ADGRV1: variants seen among roughly 807,000 people sequenced by gnomAD.
ADGRV1 encodes the protein adhesion G protein-coupled receptor V1, also known as G-protein coupled receptor 98.
A neutral mutation model predicts 596.2 loss-of-function variants in ADGRV1; 359 were observed. The observed-to-expected ratio is 0.60, with a 90% CI of 0.55 to 0.66. ADGRV1 has a LOEUF of 0.66. ADGRV1 is among the 30% of genes least tolerant of loss of function. ADGRV1 has a pLI of 0.00. For missense variants in ADGRV1, 7,274 were observed against 7,575.6 expected (o/e 0.96, Z 1.48); for synonymous variants, 2,681 against 2,679.2 (o/e 1.00, Z -0.02).
intron 73 of ADGRV1, among the ~76,000 whole-genome samples, chr5:90,809,497 G>A (rs568597148): frequency 6.6e-6 from 1 of 152,258 alleles, no homozygotes; most frequent in African/African-American, 2.4e-5. Flanking sequence ...CTCTGTGTGA[G>A]GTATTAACCA....
chr5:90,691,765 G>T (rs1746512397), intron 31 of ADGRV1, among the ~76,000 whole-genome samples: 1 of 151,948 alleles, frequency 6.6e-6, no homozygotes, highest in Non-Finnish European at 1.5e-5. Flanking sequence ...TATTATTGTG[G>T]TTTTTCATTC....
intron 21 of ADGRV1, among the ~76,000 whole-genome samples, chr5:90,668,798 A>G (rs1771996231): frequency 6.6e-6 from 1 of 152,204 alleles, no homozygotes. Context: ...ATTTTTTTAA[A>G]CTGAAAATAT....
chr5:91,161,969 A>G (rs892443161), intron 89 of ADGRV1, among the ~76,000 whole-genome samples: 12 of 152,218 alleles, frequency 7.9e-5, no homozygotes, highest in Admixed American at 5.9e-4. Context: ...CCAAAAGGCA[A>G]TGGTTGGGAT....
intron 83 of ADGRV1, among the ~76,000 whole-genome samples, chr5:90,879,385 G>T (rs1381152135): frequency 6.6e-6 from 1 of 152,188 alleles, no homozygotes; most frequent in African/African-American, 2.4e-5. Context: ...GTAAAGAAAA[G>T]AACAAGCAGT....
intron 50 of ADGRV1, among the ~76,000 whole-genome samples, chr5:90,738,547 CTT>C (rs530702993): frequency 2.8e-4 from 43 of 152,106 alleles, no homozygotes; most frequent in Non-Finnish European, 6.0e-4. Context: ...TTAATTCTCT[CTT>C]GTTTCTGAAG....
chr5:90,915,305 G>A (rs1773249967), intron 83 of ADGRV1, among the ~76,000 whole-genome samples: 1 of 152,146 alleles, frequency 6.6e-6, no homozygotes, highest in East Asian at 1.9e-4. Flanking sequence ...AAAATGATCA[G>A]TAATCTGGTT....
rs1771005699 is a variant in ADGRV1, at chr5:90,893,365, C to G, written c.17856+29508C>G. 2.0e-5 allele frequency among the ~76,000 whole-genome samples: 3 copies of G among 152,248 alleles called. No individual in the cohort carries two copies. In the South Asian group the frequency reaches 6.2e-4, roughly 32 times the overall value. Reference sequence around the variant, plus strand: ...GCCACATTTTATTTGACAGTCTACTCTTAGAAGTCATGTGCCATCTCTTCT... The same window carrying G: ...GCCACATTTTATTTGACAGTCTACTGTTAGAAGTCATGTGCCATCTCTTCT... On this transcript the variant is annotated intron_variant, in intron 83 of 89. Coordinates refer to ENST00000405460, the MANE Select transcript of ADGRV1 (RefSeq NM_032119.4).
At chr5:91,152,673 GT>G (rs1179296936) in intron 88 of ADGRV1, among the ~76,000 whole-genome samples, 2 of 151,934 alleles carry the variant, frequency 1.3e-5, no homozygotes, top group African/African-American at 4.8e-5. Flanking sequence ...TTTTGTTTTT[GT>G]TTTTTTAGTA....
In ADGRV1 at chr5:90,801,496, C is replaced by T. The variant is rs1983366; in HGVS notation, c.14518-1243C>T. Among the ~76,000 whole-genome samples the T allele has an allele frequency of 7.9e-5, 12 of 151,160 alleles. No homozygotes were observed. In the East Asian group the frequency reaches 1.8e-3, roughly 22 times the overall value. ...GGGGTACACTCTTACAGGAGAGGTG[C>T]GATATACATGATTAAAATTTTTCTG... On this transcript the variant is annotated intron_variant, in intron 70 of 89. Coordinates refer to ENST00000405460, the MANE Select transcript of ADGRV1 (RefSeq NM_032119.4).
At chr5:90,758,340 A>T (rs754001989) in intron 57 of ADGRV1, among the ~76,000 whole-genome samples, 13 of 152,196 alleles carry the variant, frequency 8.5e-5, no homozygotes, top group Non-Finnish European at 1.8e-4. Context: ...CTCAAAAAAA[A>T]CAAAAAACAA....
At position 91,163,834 on chromosome 5, in the gene ADGRV1, G is replaced by C. The variant is rs1797156980; in HGVS notation, c.18855G>C (p.Gly6285=). 1 of 1,607,524 alleles carries C rather than the reference G, an allele frequency of 6.2e-7. No homozygotes were observed. Among genetic ancestry groups the C allele is most frequent in the Non-Finnish European group, 8.5e-7 (1 of 1,175,810 alleles). The change falls in exon 90 of 90, where the codon GGG becomes GGC. Residue 6285 remains glycine (G), a synonymous_variant. Transcript: ENST00000405460. ...DNESGQGSQE[G]GTLTDSQIVE... The stretch of plus-strand genomic sequence containing the variant: ...AATCTGGTCAAGGCAGCCAGGAGGG[G>C]GGCACCTTGACTGACTCCCAGATCG...
intron 29 of ADGRV1, among the ~76,000 whole-genome samples, chr5:90,689,441 T>C (rs779291451): frequency 4.6e-5 from 7 of 151,684 alleles, no homozygotes; most frequent in Non-Finnish European, 1.0e-4. Context: ...TCATTGATGA[T>C]GCTAGCGTTC....
At chr5:90,751,091 A>G (rs1580997811) in intron 53 of ADGRV1, among the ~76,000 whole-genome samples, 1 of 152,214 alleles carries the variant, frequency 6.6e-6, no homozygotes, top group Middle Eastern at 3.4e-3. Context: ...GAAAAAGTAG[A>G]TCTGAGTTGT....
At position 90,990,444 on chromosome 5, in the gene ADGRV1, A is replaced by G. The variant is rs537185362; in HGVS notation, c.18152+4922A>G. On this transcript the variant is annotated intron_variant, in intron 85 of 89. Coordinates refer to ENST00000405460, the MANE Select transcript of ADGRV1 (RefSeq NM_032119.4). Reference sequence around the variant, plus strand: ...TTGGTAAGTTTATCCCTTAGTGGAAATATCTAAACTAGAAAAAGGAAGGCC... The same window carrying G: ...TTGGTAAGTTTATCCCTTAGTGGAAGTATCTAAACTAGAAAAAGGAAGGCC... Among the ~76,000 whole-genome samples, 148 of 152,320 alleles carry G rather than the reference A, an allele frequency of 9.7e-4. 1 individual carries two copies. The highest frequency in any genetic ancestry group is 3.4e-3 in the African/African-American group (143 of 41,582).
At chr5:91,102,424 C>A in intron 87 of ADGRV1, 84 bp downstream of exon 87, 2 of 1,192,886 alleles carry the variant, frequency 1.7e-6, no homozygotes, top group Non-Finnish European at 2.3e-6. Context: ...AAGAGTCAAG[C>A]ATCCACACAC....
intron 60 of ADGRV1, among the ~76,000 whole-genome samples, chr5:90,775,537 TG>T (rs1349190544): frequency 6.6e-6 from 1 of 152,146 alleles, no homozygotes; most frequent in East Asian, 1.9e-4. Flanking sequence ...AGTGCAGTGG[TG>T]TGATCACAGA....
intron 85 of ADGRV1, among the ~76,000 whole-genome samples, chr5:91,003,021 C>T (rs1203747712): frequency 6.6e-6 from 1 of 152,166 alleles, no homozygotes; most frequent in Non-Finnish European, 1.5e-5. Flanking sequence ...TTTCTTGTCT[C>T]TGTACCTGTG....
At chr5:91,050,487 C>T (rs1376448992) in intron 85 of ADGRV1, among the ~76,000 whole-genome samples, 1 of 152,122 alleles carries the variant, frequency 6.6e-6, no homozygotes, top group Non-Finnish European at 1.5e-5. Context: ...TATTTGTATG[C>T]ATTTTCATAT....
At chr5:90,812,094 A>T (rs1043933989) in intron 74 of ADGRV1, among the ~76,000 whole-genome samples, 5 of 151,430 alleles carry the variant, frequency 3.3e-5, no homozygotes, top group Non-Finnish European at 1.5e-5. Context: ...CGCCCGGCTA[A>T]TTTTTTTTAT....
Sources: allele counts gnomAD v4.1 joint callset (sites outside exome capture counted in the v4.1 genomes callset), GRCh38; gene constraint gnomAD v4.1.1; transcripts MANE v1.5; gene names NCBI Gene and HGNC (gene_info 2026-07-23, HGNC 2026-07-21).